EPHA6: variants seen among roughly 807,000 people sequenced by gnomAD.
EPHA6 encodes ephrin type-A receptor 6.
In EPHA6, 50 loss-of-function variants were observed where a neutral mutation model predicts 112.0. The observed-to-expected ratio is 0.45, with a 90% CI of 0.36 to 0.56. The LOEUF (loss-of-function observed/expected upper bound fraction) is 0.56, where lower values mean the gene tolerates loss of function less well. Ranked by LOEUF, EPHA6 falls within the 20% of genes least tolerant of loss-of-function variation. The probability of loss-of-function intolerance (pLI) is 0.00; values close to 1 mark genes in which losing one functional copy is unlikely to be tolerated. For missense variants in EPHA6, 1,280 were observed against 1,417.4 expected, an observed-to-expected ratio of 0.90 and a Z score of 1.56; for synonymous variants, 529 against 490.7, an observed-to-expected ratio of 1.08 and a Z score of -1.03.
At chr3:96,891,701 C>T (rs1287302451) in intron 2 of EPHA6, among the ~76,000 whole-genome samples, 1 of 152,100 alleles carries the variant, frequency 6.6e-6, no homozygotes, top group African/African-American at 2.4e-5. Context: ...AAGAGTGGAA[C>T]TGTCTCAAAA....
chr3:97,754,084 CTTTTTTT>C lies in EPHA6; in HGVS notation c.*5398_*5404del, dbSNP rs10559270. ...AATGTATAAAAAATAACATTTATAT[CTTTTTTT>C]TTTTTTTTTTTTTTGAGATGGAGTT... On this transcript the variant is annotated 3_prime_UTR_variant, in exon 18 of 18. Coordinates refer to ENST00000389672, the MANE Select transcript of EPHA6 (RefSeq NM_001080448.3). Among the ~76,000 whole-genome samples, 32 of 102,060 alleles carry C rather than the reference CTTTTTTT, an allele frequency of 3.1e-4. No individual in the cohort carries two copies. Among genetic ancestry groups the C allele is most frequent in the Non-Finnish European group, 4.4e-4 (22 of 50,082 alleles). 67.0% of individuals were successfully genotyped at this position (102,060 alleles called of 152,430 possible).
At chr3:97,295,621 A>G (rs1250222909) in intron 5 of EPHA6, among the ~76,000 whole-genome samples, 1 of 142,162 alleles carries the variant, frequency 7.0e-6, no homozygotes, top group Non-Finnish European at 1.6e-5. Flanking sequence ...CCTTTTTTTT[A>G]ATGTTTCTTG....
At chr3:97,410,439 A>C (rs2087640519) in intron 6 of EPHA6, among the ~76,000 whole-genome samples, 1 of 151,994 alleles carries the variant, frequency 6.6e-6, no homozygotes, top group Non-Finnish European at 1.5e-5. Flanking sequence ...GGAGGAAGAG[A>C]ATTTTATCTT....
chr3:97,368,557 A>G (rs938485482), intron 5 of EPHA6, among the ~76,000 whole-genome samples: 1 of 152,208 alleles, frequency 6.6e-6, no homozygotes, highest in Non-Finnish European at 1.5e-5. Flanking sequence ...CTAATAAAAT[A>G]TATTTATGGT....
chr3:97,111,632 T>A (rs1360277248), intron 3 of EPHA6, among the ~76,000 whole-genome samples: 1 of 152,158 alleles, frequency 6.6e-6, no homozygotes, highest in Non-Finnish European at 1.5e-5. Flanking sequence ...TTATTTATAT[T>A]ATTGTAACAT....
chr3:97,475,842 CAATT>C (rs1290026836), intron 8 of EPHA6, among the ~76,000 whole-genome samples: 3 of 151,888 alleles, frequency 2.0e-5, no homozygotes, highest in Non-Finnish European at 2.9e-5. Flanking sequence ...AATATTTTGT[CAATT>C]AAATATTGAA....
chr3:97,521,896 C>A (rs2092549022), intron 10 of EPHA6, among the ~76,000 whole-genome samples: 1 of 148,362 alleles, frequency 6.7e-6, no homozygotes, highest in Non-Finnish European at 1.5e-5. Flanking sequence ...ATAGTGACTA[C>A]CAAACTGTCT....
chr3:97,024,275 G>A (rs1390042901), intron 3 of EPHA6, among the ~76,000 whole-genome samples: 1 of 151,888 alleles, frequency 6.6e-6, no homozygotes, highest in African/African-American at 2.4e-5. Flanking sequence ...AACCACTAAT[G>A]CCCAAATAAT....
intron 1 of EPHA6, among the ~76,000 whole-genome samples, chr3:96,817,817 A>G (rs945552099): frequency 6.6e-6 from 1 of 151,940 alleles, no homozygotes; most frequent in African/African-American, 2.4e-5. Context: ...GATAATGACA[A>G]AAAAGTAAAC....
intron 14 of EPHA6, among the ~76,000 whole-genome samples, chr3:97,694,827 T>C (rs2032922835): frequency 6.6e-6 from 1 of 152,256 alleles, no homozygotes; most frequent in Non-Finnish European, 1.5e-5. Flanking sequence ...GAAGCTATTC[T>C]ATAACCAAGA....
chr3:96,915,313 T>C (rs2039430570), intron 2 of EPHA6, among the ~76,000 whole-genome samples: 1 of 152,086 alleles, frequency 6.6e-6, no homozygotes, highest in Non-Finnish European at 1.5e-5. Flanking sequence ...GGTTCATTTC[T>C]GTAAGTGGTA....
At chr3:97,603,200 T>G (rs1226330948) in intron 12 of EPHA6, among the ~76,000 whole-genome samples, 2 of 152,012 alleles carry the variant, frequency 1.3e-5, no homozygotes, top group African/African-American at 4.8e-5. Flanking sequence ...AAGACACTTT[T>G]AGTTAAGAAG....
chr3:96,982,057 A>C (rs1349834604), intron 2 of EPHA6, among the ~76,000 whole-genome samples: 1 of 151,760 alleles, frequency 6.6e-6, no homozygotes, highest in Admixed American at 6.6e-5. Context: ...TATCTCCTTC[A>C]GTTCTTCTCT....
intron 11 of EPHA6, among the ~76,000 whole-genome samples, chr3:97,554,216 TA>T (rs1370139332): frequency 1.3e-5 from 2 of 152,142 alleles, no homozygotes; most frequent in African/African-American, 4.8e-5. Flanking sequence ...AAATACATCA[TA>T]AACCTGCTGT....
intron 5 of EPHA6, among the ~76,000 whole-genome samples, chr3:97,388,803 A>C (rs185251022): frequency 6.6e-6 from 1 of 152,256 alleles, no homozygotes; most frequent in East Asian, 1.9e-4. Flanking sequence ...GGACAATGGC[A>C]TATATTAAGT....
Position 97,478,635 on chromosome 3 carries a change from C to T in EPHA6, c.2004-659C>T, listed in dbSNP as rs530118014. On this transcript the variant is annotated intron_variant, in intron 8 of 17. Transcript: ENST00000389672. ...TTGCTTAAGCACTTTGGTAGGGGAG[C>T]AGTCATTGGAAAATATTCTATGAAA... Among the ~76,000 whole-genome samples the T allele has an allele frequency of 9.9e-5, 15 of 152,112 alleles. No homozygotes were observed. In the South Asian group the frequency reaches 3.1e-3, roughly 32 times the overall value.
chr3:97,299,194 TGTGTGTGTGTGTGTGTGTAGGGGGGA>T (rs1319988577), intron 5 of EPHA6, among the ~76,000 whole-genome samples: 2 of 150,774 alleles, frequency 1.3e-5, no homozygotes, highest in Non-Finnish European at 1.5e-5. Flanking sequence ...TGTGTGTGTG[TGTGTGTGTGTGTGTGTGTAGGGGGGA>T]GTGTGTGTGT....
chr3:97,123,232 A>T (rs2108307764), intron 3 of EPHA6, among the ~76,000 whole-genome samples: 1 of 152,202 alleles, frequency 6.6e-6, no homozygotes, highest in African/African-American at 2.4e-5. Flanking sequence ...CTGAAGCATT[A>T]TTTTCTTTAA....
chr3:97,179,187 A>C (rs1164247305), intron 3 of EPHA6, among the ~76,000 whole-genome samples: 3 of 152,004 alleles, frequency 2.0e-5, no homozygotes, highest in Non-Finnish European at 4.4e-5. Context: ...CAGTATACCA[A>C]TTACATTTTT....
Sources: gnomAD v4.1 joint callset for allele counts (sites outside exome capture counted in the v4.1 genomes callset) on GRCh38, gnomAD v4.1.1 for gene constraint, MANE v1.5 for transcripts, NCBI Gene and HGNC (gene_info 2026-07-23, HGNC 2026-07-21) for gene names.